Variants in RSL1D1 observed in about 807,000 individuals in gnomAD.
RSL1D1 encodes ribosomal L1 domain containing 1.
RSL1D1 carries 34 observed loss-of-function variants against 44.6 expected under a neutral mutation model. That is an observed-to-expected ratio of 0.76 (90% confidence interval 0.58 to 1.02). The LOEUF (loss-of-function observed/expected upper bound fraction) is 1.02, where lower values mean the gene tolerates loss of function less well. Ranked by LOEUF, RSL1D1 falls within the 50% of genes least tolerant of loss-of-function variation. RSL1D1 has a pLI of 0.00. For missense variants in RSL1D1, 767 were observed against 568.1 expected (o/e 1.35, Z -3.56); for synonymous variants, 271 against 207.4 (o/e 1.31, Z -2.63).
intron 3 of RSL1D1, 122 bp downstream of exon 3, chr16:11,847,546 A>C (rs1225818817): frequency 3.4e-6 from 3 of 871,758 alleles, no homozygotes; most frequent in Non-Finnish European, 5.3e-6. Flanking sequence ...CGCCACCACA[A>C]ATTAAATTAA....
At chr16:11,844,740 G>C (rs567308778) in intron 5 of RSL1D1, among the ~76,000 whole-genome samples, 1 of 152,184 alleles carries the variant, frequency 6.6e-6, no homozygotes, top group African/African-American at 2.4e-5. Context: ...CTGGGTGGAA[G>C]GGCAGTGGCC....
chr16:11,840,904 C>T (rs149073040), intron 7 of RSL1D1, among the ~76,000 whole-genome samples: 1 of 152,192 alleles, frequency 6.6e-6, no homozygotes, highest in Non-Finnish European at 1.5e-5. Flanking sequence ...CCTGAGCTAT[C>T]AGGATTAAAC....
In RSL1D1 at chr16:11,835,031, G is replaced by A. The variant is rs560211359; in HGVS notation, c.*2756C>T. On this transcript the variant is annotated 3_prime_UTR_variant, in exon 9 of 9. Coordinates refer to ENST00000571133, the MANE Select transcript of RSL1D1 (RefSeq NM_015659.3). Reference sequence around the variant, plus strand: ...GAGGCTGAGGTGGGAAGATCGCCTTGAGCCCAGGAAATTGAGGCTGGAGCT... The same window carrying A: ...GAGGCTGAGGTGGGAAGATCGCCTTAAGCCCAGGAAATTGAGGCTGGAGCT... 2 of 152,366 alleles carry A rather than the reference G, an allele frequency of 1.3e-5. No homozygotes were observed. Among genetic ancestry groups the A allele is most frequent in the South Asian group, 2.1e-4 (1 of 4,822 alleles). The allele number at this position is 152,366 out of a possible 1,614,324, so 9.4% of individuals were successfully genotyped here.
intron 2 of RSL1D1, 143 bp downstream of exon 2, chr16:11,850,136 C>A (rs995035958): frequency 3.7e-6 from 3 of 800,414 alleles, no homozygotes; most frequent in African/African-American, 1.8e-5. Flanking sequence ...CTCTATGGTT[C>A]TTTTGGACAT....
chr16:11,838,216 T>G (rs2141250001), intron 8 of RSL1D1, 103 bp from the exon 9 acceptor site: 1 of 1,031,412 alleles, frequency 9.7e-7, no homozygotes, highest in Non-Finnish European at 1.4e-6. Context: ...TTTTTCAGAC[T>G]GAGTTTCGCT....
intron 5 of RSL1D1, among the ~76,000 whole-genome samples, chr16:11,843,951 A>G (rs2053781739): frequency 6.6e-6 from 1 of 151,610 alleles, no homozygotes; most frequent in South Asian, 2.1e-4. Context: ...GAGCAAGACC[A>G]TCCCTTCAGG....
At position 11,835,293 on chromosome 16, in the gene RSL1D1, T is replaced by G. The variant is rs1194059431; in HGVS notation, c.*2494A>C. The G allele has an allele frequency of 1.3e-5, 2 of 150,288 alleles. No homozygotes were observed. The highest frequency in any genetic ancestry group is 4.9e-5 in the African/African-American group (2 of 40,664). 9.3% of individuals were successfully genotyped at this position (150,288 alleles called of 1,614,324 possible). On this transcript the variant is annotated 3_prime_UTR_variant, in exon 9 of 9. Transcript: ENST00000571133. ...ACCTCCCGGGTTAAAGTGATTCTCC[T>G]GCTTCAGCCTCCCAAGTAGCTGGGA... is the stretch of plus-strand genomic sequence containing the variant.
intron 2 of RSL1D1, among the ~76,000 whole-genome samples, chr16:11,848,187 A>G (rs976647447): frequency 6.6e-6 from 1 of 152,166 alleles, no homozygotes; most frequent in Non-Finnish European, 1.5e-5. Context: ...CGGAAGGTGG[A>G]GGTTGCAGTG....
chr16:11,839,606 T>A, intron 8 of RSL1D1, 89 bp downstream of exon 8: 1 of 1,526,504 alleles, frequency 6.6e-7, no homozygotes, highest in Non-Finnish European at 8.7e-7. Context: ...ACTCTAGTAT[T>A]TTTCATCATT....
Position 11,844,029 on chromosome 16 carries a change from T to G in RSL1D1, c.636-2029A>C, listed in dbSNP as rs552493576. Among the ~76,000 whole-genome samples the G allele has an allele frequency of 2.6e-4, 39 of 150,292 alleles. No homozygotes were observed. The South Asian group carries it at 7.8e-3, about 30-fold the overall frequency. On this transcript the variant is annotated intron_variant, in intron 5 of 8. Coordinates refer to ENST00000571133, the MANE Select transcript of RSL1D1 (RefSeq NM_015659.3). The stretch of plus-strand genomic sequence containing the variant: ...GCTCAGCGCTGGGGCCAGAAGGAAG[T>G]GAGCCAGAAGGAAGGCTCACTGTCG...
At chr16:11,843,359 C>A (rs2053776237) in intron 5 of RSL1D1, among the ~76,000 whole-genome samples, 1 of 151,884 alleles carries the variant, frequency 6.6e-6, no homozygotes, top group Non-Finnish European at 1.5e-5. Flanking sequence ...GCGTGAGCCA[C>A]CATGCCCAGC....
intron 1 of RSL1D1, among the ~76,000 whole-genome samples, chr16:11,850,852 C>T: frequency 6.6e-6 from 1 of 151,906 alleles, no homozygotes; most frequent in East Asian, 1.9e-4. Context: ...ACCACGCCCA[C>T]CTAATTTTTG....
intron 2 of RSL1D1, chr16:11,849,153 G>A (rs2053818616): frequency 6.6e-6 from 1 of 152,230 alleles, no homozygotes; most frequent in South Asian, 2.1e-4. Context: ...TTGGGAGACT[G>A]AGAGGGAGGA....
chr16:11,846,667 A>C (rs199929232), intron 4 of RSL1D1, 28 bp downstream of exon 4: 4 of 1,613,064 alleles, frequency 2.5e-6, no homozygotes, highest in African/African-American at 1.3e-5. Context: ...TCATGCTGCT[A>C]AAGTCCAGTC....
intron 5 of RSL1D1, among the ~76,000 whole-genome samples, chr16:11,843,371 G>C (rs989801726): frequency 1.3e-5 from 2 of 151,010 alleles, no homozygotes; most frequent in East Asian, 4.1e-4. Context: ...ATGCCCAGCC[G>C]AGGCAGTGAT....
intron 2 of RSL1D1, chr16:11,849,129 G>C (rs2053818465): frequency 6.6e-6 from 1 of 152,206 alleles, no homozygotes; most frequent in South Asian, 2.1e-4. Flanking sequence ...GCTCATGCCT[G>C]TAATCCCAAC....
At chr16:11,850,157 C>T in intron 2 of RSL1D1, 122 bp downstream of exon 2, 1 of 969,474 alleles carries the variant, frequency 1.0e-6, no homozygotes, top group East Asian at 2.9e-5. Flanking sequence ...AGTTGTTTTA[C>T]TTCACGTCAG....
intron 5 of RSL1D1, 39 bp downstream of exon 5, chr16:11,846,462 C>G: frequency 1.0e-6 from 1 of 1,001,184 alleles, no homozygotes; most frequent in Non-Finnish European, 1.5e-6. Flanking sequence ...TTGTCAAATA[C>G]AAGATTAAAA....
At chr16:11,847,001 C>T (rs562178458) in intron 3 of RSL1D1, among the ~76,000 whole-genome samples, 158 bp from the exon 4 acceptor site, 22 of 152,240 alleles carry the variant, frequency 1.4e-4, no homozygotes, top group East Asian at 3.9e-4. Context: ...CCAGGCACTA[C>T]GCTACATGCT....
Sources: allele counts gnomAD v4.1 joint callset (sites outside exome capture counted in the v4.1 genomes callset), GRCh38; gene constraint gnomAD v4.1.1; transcripts MANE v1.5; gene names NCBI Gene and HGNC (gene_info 2026-07-23, HGNC 2026-07-21).